The following SGCD variants were observed in gnomAD, a reference collection of about 807,000 sequenced individuals.
SGCD encodes the protein sarcoglycan delta, also known as delta-sarcoglycan.
SGCD carries 18 observed loss-of-function variants against 36.6 expected under a neutral mutation model. The observed-to-expected ratio is 0.49, with a 90% CI of 0.34 to 0.73. SGCD has a LOEUF of 0.73. Among genes scored for constraint, SGCD ranks in the 30% least tolerant of loss-of-function variants. SGCD has a pLI of 0.01. For synonymous variants in SGCD, 133 were observed against 130.6 expected (o/e 1.02, Z -0.12); for missense variants, 387 against 346.7 (o/e 1.12, Z -0.92).
chr5:156,765,213 T>G lies in SGCD; in HGVS notation c.*5823T>G, dbSNP rs974159634. 1.3e-5 allele frequency: 2 copies of G among 152,254 alleles called. No individual in the cohort carries two copies. Among genetic ancestry groups the G allele is most frequent in the African/African-American group, 4.8e-5 (2 of 41,552 alleles). 9.4% of individuals were successfully genotyped at this position (152,254 alleles called of 1,614,324 possible). A position where few individuals can be genotyped will look rare whatever the true frequency, so the allele number is the denominator to read the frequency against. On this transcript the variant is annotated 3_prime_UTR_variant, in exon 9 of 9. Coordinates refer to ENST00000337851, the MANE Select transcript of SGCD (RefSeq NM_000337.6). ...TCACATCCTACTTCTACATTTGGGGTTTTTTGGTGAAATCAGAGATAGCTC... is the reference window on the plus strand; with the variant it reads ...TCACATCCTACTTCTACATTTGGGGGTTTTTGGTGAAATCAGAGATAGCTC...
chr5:156,497,342 C>G (rs115668191), intron 3 of SGCD, among the ~76,000 whole-genome samples: 1 of 152,014 alleles, frequency 6.6e-6, no homozygotes, highest in South Asian at 2.1e-4. Context: ...TATACTTATT[C>G]CCTCTCTGTG....
intron 3 of SGCD, among the ~76,000 whole-genome samples, chr5:156,182,884 TTC>T (rs1235079161): frequency 6.6e-6 from 1 of 152,198 alleles, no homozygotes; most frequent in African/African-American, 2.4e-5. Flanking sequence ...TTTTACCTTT[TTC>T]TCTCTCGGCC....
In SGCD at chr5:156,737,465, A is replaced by G. The variant is rs1036017262; in HGVS notation, c.576-20116A>G. ...TAAGTATGCAATAATTTTTAGGTAT[A>G]AATTTTAGTAAGTGGCTTTTAAAAA... On this transcript the variant is annotated intron_variant, in intron 7 of 8. Transcript: ENST00000337851. 2.6e-5 allele frequency among the ~76,000 whole-genome samples: 4 copies of G among 152,340 alleles called. No individual in the cohort carries two copies. In the South Asian group the frequency reaches 6.2e-4, roughly 24 times the overall value.
At chr5:155,796,806 C>CAAAAAAAAAAAAAAAAAAAAAAAAAA in the SGCD span, among the ~76,000 whole-genome samples, 18 of 51,320 alleles carry the variant, frequency 3.5e-4, 1 homozygote, top group African/African-American at 1.2e-3. Context: ...AACTCCATCT[C>CAAAAAAAAAAAAAAAAAAAAAAAAAA]AAAAAAAAAA....
intron 1 of SGCD, among the ~76,000 whole-genome samples, chr5:156,095,141 C>G (rs1044786361): frequency 6.6e-6 from 1 of 152,108 alleles, no homozygotes; most frequent in Admixed American, 6.5e-5. Context: ...GATACTAGAC[C>G]CCTAGTTGTT....
At chr5:155,777,694 C>T in the SGCD span, among the ~76,000 whole-genome samples, 4 of 152,074 alleles carry the variant, frequency 2.6e-5, no homozygotes, top group Non-Finnish European at 4.4e-5. Context: ...CCACTGTTAG[C>T]AGTGAAAGGA....
rs561791991 is a variant in SGCD, at chr5:156,678,959, GT to G, written c.575+31431del. Among the ~76,000 whole-genome samples the G allele has an allele frequency of 2.2e-3, 333 of 152,042 alleles. 3 individuals are homozygous for G. The highest frequency in any genetic ancestry group is 7.7e-3 in the African/African-American group (321 of 41,458). On this transcript the variant is annotated intron_variant, in intron 7 of 8. Transcript: ENST00000337851. Reference sequence around the variant, plus strand: ...CCAATGCCATGTTGGGCAAATCAATGTTTTTTTTCTAGTTCTGATTCACATA... The same window carrying G: ...CCAATGCCATGTTGGGCAAATCAATGTTTTTTTCTAGTTCTGATTCACATA...
chr5:155,788,485 A>G, the SGCD span, among the ~76,000 whole-genome samples: 1 of 152,182 alleles, frequency 6.6e-6, no homozygotes, highest in African/African-American at 2.4e-5. Flanking sequence ...TATTATTTCT[A>G]TATCAAGATA....
At chr5:156,313,034 T>C (rs1767428454) in intron 3 of SGCD, among the ~76,000 whole-genome samples, 1 of 152,122 alleles carries the variant, frequency 6.6e-6, no homozygotes, top group Admixed American at 6.6e-5. Context: ...TTCTCTCATC[T>C]TCTCTAAGCC....
chr5:156,435,915 G>A (rs1003180854), intron 3 of SGCD, among the ~76,000 whole-genome samples: 1 of 152,140 alleles, frequency 6.6e-6, no homozygotes, highest in Non-Finnish European at 1.5e-5. Flanking sequence ...GATGCTGTTT[G>A]CCGTTATCTT....
chr5:155,788,152 T>G, the SGCD span, among the ~76,000 whole-genome samples: 1 of 152,210 alleles, frequency 6.6e-6, no homozygotes, highest in African/African-American at 2.4e-5. Flanking sequence ...TTTTTTCAAT[T>G]AATACACTTA....
the SGCD span, among the ~76,000 whole-genome samples, chr5:155,841,977 G>A: frequency 3.9e-5 from 6 of 152,136 alleles, no homozygotes; most frequent in African/African-American, 1.4e-4. Flanking sequence ...AGTGAAATAA[G>A]TGAAATAGAT....
intron 3 of SGCD, among the ~76,000 whole-genome samples, chr5:156,475,987 G>A (rs1755160341): frequency 6.6e-6 from 1 of 152,172 alleles, no homozygotes; most frequent in Non-Finnish European, 1.5e-5. Flanking sequence ...AATCAGGGAG[G>A]GAGGCAATTG....
chr5:156,104,033 C>A (rs1261182343), intron 1 of SGCD, among the ~76,000 whole-genome samples: 1 of 151,976 alleles, frequency 6.6e-6, no homozygotes, highest in Non-Finnish European at 1.5e-5. Flanking sequence ...AATATAATGA[C>A]CCAAGCCCTT....
chr5:155,957,145 A>G (rs2113442648), intron 1 of SGCD, among the ~76,000 whole-genome samples: 1 of 152,186 alleles, frequency 6.6e-6, no homozygotes, highest in African/African-American at 2.4e-5. Flanking sequence ...AAGGAGATGG[A>G]AAAGAGAGAG....
At position 156,059,719 on chromosome 5, in the gene SGCD, A is replaced by G. The variant is rs1760155441; in HGVS notation, c.-281-58159A>G. Among the ~76,000 whole-genome samples the G allele has an allele frequency of 1.4e-5, 2 of 146,818 alleles. 1 individual carries two copies. The highest frequency in any genetic ancestry group is 4.9e-5 in the African/African-American group (2 of 40,800). On this transcript the variant is annotated intron_variant, in intron 1 of 9. Transcript: ENST00000517913. Reference sequence around the variant, plus strand: ...CCATTTGTAAAACAGAGAAACAATAATGGCACTTCACAGGTTTGGTAGTAT... The same window carrying G: ...CCATTTGTAAAACAGAGAAACAATAGTGGCACTTCACAGGTTTGGTAGTAT...
At chr5:156,564,004 GT>G (rs1759376611) in intron 4 of SGCD, among the ~76,000 whole-genome samples, 1 of 152,256 alleles carries the variant, frequency 6.6e-6, no homozygotes, top group Non-Finnish European at 1.5e-5. Flanking sequence ...GGATGAAGCA[GT>G]GATGCTTAAT....
chr5:156,585,069 T>C (rs17053642), intron 4 of SGCD, among the ~76,000 whole-genome samples: 3,117 of 152,272 alleles, frequency 0.02, 125 homozygotes, highest in East Asian at 0.17. Flanking sequence ...TAGTGAAGTA[T>C]TGAGAGAGAC....
In SGCD at chr5:156,743,916, TTC is replaced by T. The variant is rs575268312; in HGVS notation, c.576-13664_576-13663del. 6.7e-3 allele frequency among the ~76,000 whole-genome samples: 1,028 copies of T among 152,360 alleles called. 4 individuals carry two copies. Among genetic ancestry groups the T allele is most frequent in the Non-Finnish European group, 0.012 (783 of 68,018 alleles). On this transcript the variant is annotated intron_variant, in intron 7 of 8. Coordinates refer to ENST00000337851, the MANE Select transcript of SGCD (RefSeq NM_000337.6). ...TAATTAGAGAAGATTATGTTCCTTC[TTC>T]CTATTTTCTGGTGCTTATTTTATTT...
Sources: gnomAD v4.1 joint callset for allele counts (sites outside exome capture counted in the v4.1 genomes callset) on GRCh38, gnomAD v4.1.1 for gene constraint, MANE v1.5 for transcripts, NCBI Gene and HGNC (gene_info 2026-07-23, HGNC 2026-07-21) for gene names.